OTUD7B: variants seen among roughly 807,000 people sequenced by gnomAD.
The protein encoded by OTUD7B is OTU deubiquitinase 7B.
OTUD7B carries 34 observed loss-of-function variants against 82.2 expected under a neutral mutation model. The ratio of observed to expected loss-of-function variants is 0.41; its 90% CI spans 0.31 to 0.55. The LOEUF is 0.55. OTUD7B is among the 20% of genes least tolerant of loss of function. The probability of loss-of-function intolerance (pLI) is 0.20; values close to 1 mark genes in which losing one functional copy is unlikely to be tolerated. For missense variants in OTUD7B, 944 were observed against 1,062.1 expected (o/e 0.89, Z 1.55); for synonymous variants, 398 against 402.7 (o/e 0.99, Z 0.14).
At chr1:149,957,848 T>A (rs1553774867) in intron 7 of OTUD7B, among the ~76,000 whole-genome samples, 1 of 152,190 alleles carries the variant, frequency 6.6e-6, no homozygotes, top group Non-Finnish European at 1.5e-5. Context: ...GCACGGGATA[T>A]AATCTCCTGG....
the OTUD7B span, chr1:150,054,986 CTG>C: frequency 3.2e-6 from 1 of 315,706 alleles, no homozygotes; most frequent in Non-Finnish European, 6.2e-6. Context: ...TACCTCTGAT[CTG>C]TGTTTGCCCC....
rs373347483 is a variant in OTUD7B, at chr1:149,970,745, T to G, written c.274+318A>C. 2.6e-5 allele frequency among the ~76,000 whole-genome samples: 4 copies of G among 152,296 alleles called. No individual in the cohort carries two copies. The East Asian group carries it at 5.8e-4, about 22-fold the overall frequency. On this transcript the variant is annotated intron_variant, in intron 3 of 11. Transcript: ENST00000581312. ...ATAGATATTGGCAAATATTAACAAA[T>G]TACCCCCCAAAGAGGTAATGACTCT...
intron 7 of OTUD7B, among the ~76,000 whole-genome samples, chr1:149,951,818 A>G (rs1553773517): frequency 6.6e-6 from 1 of 152,178 alleles, no homozygotes; most frequent in African/African-American, 2.4e-5. Flanking sequence ...AACATATTCA[A>G]TACTAGAAAT....
At chr1:150,013,247 C>A (rs1345082341), upstream of OTUD7B, among the ~76,000 whole-genome samples, 1 of 152,144 alleles carries the variant, frequency 6.6e-6, no homozygotes, top group Non-Finnish European at 1.5e-5. Context: ...CTCGTCTTAG[C>A]AATTCTAAGG....
chr1:149,982,006 G>A (rs1027292439), intron 1 of OTUD7B, among the ~76,000 whole-genome samples: 21 of 152,088 alleles, frequency 1.4e-4, no homozygotes, highest in South Asian at 6.2e-4. Context: ...AAAATTAGCC[G>A]GGCGTGGTGG....
At chr1:149,980,804 G>A (rs1553779487) in intron 1 of OTUD7B, among the ~76,000 whole-genome samples, 1 of 152,142 alleles carries the variant, frequency 6.6e-6, no homozygotes, top group African/African-American at 2.4e-5. Flanking sequence ...CTTGAGCCCA[G>A]GAGTTTGAGA....
At chr1:149,960,489 C>T (rs1234010162) in intron 6 of OTUD7B, among the ~76,000 whole-genome samples, 5 of 137,958 alleles carry the variant, frequency 3.6e-5, no homozygotes, top group African/African-American at 1.1e-4. Flanking sequence ...GGTTCAAATG[C>T]TTCTCCTGCC....
the OTUD7B span, among the ~76,000 whole-genome samples, chr1:150,051,238 A>AAG: frequency 1.3e-5 from 2 of 150,888 alleles, no homozygotes; most frequent in African/African-American, 4.9e-5. Flanking sequence ...TCAAAAAAAA[A>AAG]AAAAAAAAAA....
At chr1:150,042,502 A>G in the OTUD7B span, among the ~76,000 whole-genome samples, 1 of 151,740 alleles carries the variant, frequency 6.6e-6, no homozygotes, top group Non-Finnish European at 1.5e-5. Context: ...TTACAAGCAG[A>G]TAGTTACCTT....
chr1:149,978,691 CTCT>C (rs1283419274), intron 1 of OTUD7B, among the ~76,000 whole-genome samples: 1 of 152,158 alleles, frequency 6.6e-6, no homozygotes, highest in Non-Finnish European at 1.5e-5. Flanking sequence ...TGAAAAAGAT[CTCT>C]TCTTTCAGAC....
chr1:149,967,847 T>C (rs782764165), intron 3 of OTUD7B, among the ~76,000 whole-genome samples: 2 of 152,212 alleles, frequency 1.3e-5, no homozygotes, highest in East Asian at 3.9e-4. Context: ...ATTTAGCAAT[T>C]TGGTCATTGT....
At chr1:150,005,478 T>A (rs587621975) in intron 1 of OTUD7B, among the ~76,000 whole-genome samples, 9 of 152,006 alleles carry the variant, frequency 5.9e-5, no homozygotes, top group African/African-American at 2.2e-4. Flanking sequence ...AATACTACAA[T>A]CTCCTGACTC....
the OTUD7B span, among the ~76,000 whole-genome samples, chr1:150,033,516 C>G: frequency 5.9e-5 from 9 of 152,062 alleles, no homozygotes; most frequent in Non-Finnish European, 1.2e-4. Flanking sequence ...TCACAAAGAA[C>G]TTGCCAGTGG....
chr1:150,056,654 C>G, the OTUD7B span, among the ~76,000 whole-genome samples: 1 of 152,108 alleles, frequency 6.6e-6, no homozygotes, highest in African/African-American at 2.4e-5. Context: ...CTCACTGATT[C>G]CAGAGCCTAC....
rs782744105 is a variant in OTUD7B at position 149,990,991 on chromosome 1, C to CAA, written c.-66-13417_-66-13416dup. 7.3e-3 allele frequency among the ~76,000 whole-genome samples: 1,070 copies of CAA among 146,398 alleles called. 6 individuals carry two copies. The highest frequency in any genetic ancestry group is 0.021 in the Middle Eastern group (6 of 282). ...GGGCAACAAGAGCGAAACTCCGTCG[C>CAA]AAAAAAAAAAAAGTTTACAAAGCTT... On this transcript the variant is annotated intron_variant, in intron 1 of 11. Transcript: ENST00000581312.
chr1:150,035,441 C>T, the OTUD7B span, among the ~76,000 whole-genome samples: 1 of 152,050 alleles, frequency 6.6e-6, no homozygotes, highest in Non-Finnish European at 1.5e-5. Flanking sequence ...CATGGATGCC[C>T]TCACTGACAA....
chr1:149,963,443 C>T (rs1649290622), intron 6 of OTUD7B: 1 of 152,190 alleles, frequency 6.6e-6, no homozygotes, highest in South Asian at 2.1e-4. Context: ...ATGGGCTGTG[C>T]AGGCCACATG....
chr1:149,995,214 T>C (rs1033346196), intron 1 of OTUD7B, among the ~76,000 whole-genome samples: 2 of 152,192 alleles, frequency 1.3e-5, no homozygotes, highest in African/African-American at 4.8e-5. Context: ...GCTAACCTCA[T>C]CAACTATGCC....
chr1:150,051,487 T>TTTA, the OTUD7B span, among the ~76,000 whole-genome samples: 3 of 151,948 alleles, frequency 2.0e-5, no homozygotes, highest in Admixed American at 6.6e-5. Context: ...TGACATGTTA[T>TTTA]TTATTATTAT....
Sources: gnomAD v4.1 joint callset for allele counts (sites outside exome capture counted in the v4.1 genomes callset) on GRCh38, gnomAD v4.1.1 for gene constraint, MANE v1.5 for transcripts, NCBI Gene and HGNC (gene_info 2026-07-23, HGNC 2026-07-21) for gene names.